Variants in SCHIP1 observed in about 807,000 individuals in gnomAD.
SCHIP1 encodes the protein schwannomin-interacting protein 1.
Under a neutral mutation model 29.7 loss-of-function variants are expected in SCHIP1, and 8 were observed. That is an observed-to-expected ratio of 0.27 (90% CI 0.16 to 0.49). The LOEUF (loss-of-function observed/expected upper bound fraction) is 0.49, where lower values mean the gene tolerates loss of function less well. Ranked by LOEUF, SCHIP1 falls within the 20% of genes least tolerant of loss-of-function variation. The pLI, the probability that SCHIP1 is intolerant of heterozygous loss-of-function variation, is 0.99. For missense variants in SCHIP1, 193 were observed against 294.6 expected, an observed-to-expected ratio of 0.66 and a Z score of 2.52; for synonymous variants, 76 against 94.9, an observed-to-expected ratio of 0.80 and a Z score of 1.16.
the SCHIP1 span, among the ~76,000 whole-genome samples, chr3:159,278,445 A>G: frequency 6.6e-6 from 1 of 152,238 alleles, no homozygotes; most frequent in Non-Finnish European, 1.5e-5. Flanking sequence ...TATCTCTAGC[A>G]TAGAGATACT....
chr3:159,697,350 G>A, the SCHIP1 span, among the ~76,000 whole-genome samples: 4 of 152,134 alleles, frequency 2.6e-5, no homozygotes, highest in African/African-American at 9.7e-5. Context: ...ATGGAGAGAG[G>A]AGCAGTTTTG....
intron 1 of SCHIP1, among the ~76,000 whole-genome samples, chr3:159,864,170 G>C (rs977864126): frequency 1.3e-5 from 2 of 152,126 alleles, no homozygotes; most frequent in Admixed American, 1.3e-4. Context: ...GATTTGAAAT[G>C]AACTTGTTTT....
chr3:159,673,572 T>A, the SCHIP1 span, among the ~76,000 whole-genome samples: 1 of 152,206 alleles, frequency 6.6e-6, no homozygotes, highest in Non-Finnish European at 1.5e-5. Context: ...AAAGTTCTCA[T>A]GTGAGCAGCT....
chr3:159,342,114 CA>C, the SCHIP1 span, among the ~76,000 whole-genome samples: 1 of 152,118 alleles, frequency 6.6e-6, no homozygotes, highest in Admixed American at 6.6e-5. Context: ...TGCTTTGCTT[CA>C]CACTGTGGGT....
intron 2 of SCHIP1, among the ~76,000 whole-genome samples, chr3:159,871,501 A>G (rs1715281718): frequency 6.6e-6 from 1 of 152,228 alleles, no homozygotes; most frequent in Non-Finnish European, 1.5e-5. Flanking sequence ...ATTGCCTAAA[A>G]TAGTATCTAA....
At chr3:159,531,830 A>G in the SCHIP1 span, among the ~76,000 whole-genome samples, 1 of 152,180 alleles carries the variant, frequency 6.6e-6, no homozygotes, top group African/African-American at 2.4e-5. Flanking sequence ...TAAGCATAAT[A>G]CCAAACCAAA....
chr3:159,765,670 G>A, the SCHIP1 span: 1 of 152,594 alleles, frequency 6.6e-6, no homozygotes, highest in Non-Finnish European at 1.5e-5. Context: ...TTAAGCAGAT[G>A]CTCCTGTATT....
the SCHIP1 span, among the ~76,000 whole-genome samples, chr3:159,721,225 G>T: frequency 1.3e-5 from 2 of 152,184 alleles, no homozygotes; most frequent in South Asian, 2.1e-4. Flanking sequence ...ACACATAGTT[G>T]CTTCCTTCTG....
At chr3:159,800,965 T>TG in the SCHIP1 span, among the ~76,000 whole-genome samples, 5 of 72,898 alleles carry the variant, frequency 6.9e-5, no homozygotes, top group Non-Finnish European at 1.2e-4. Flanking sequence ...CAACTAAGTC[T>TG]GTTTTTTTTT....
the SCHIP1 span, among the ~76,000 whole-genome samples, chr3:159,406,694 T>C: frequency 3.9e-5 from 6 of 152,104 alleles, no homozygotes; most frequent in Admixed American, 1.3e-4. Flanking sequence ...TTTCAAGACA[T>C]AGACAGTATG....
the SCHIP1 span, among the ~76,000 whole-genome samples, chr3:159,318,069 CCCATGTGTAACCT>C: frequency 6.6e-6 from 1 of 152,094 alleles, no homozygotes; most frequent in African/African-American, 2.4e-5. Flanking sequence ...TGCTGCTGAG[CCCATGTGTAACCT>C]CCATCCCTGC....
the SCHIP1 span, among the ~76,000 whole-genome samples, chr3:159,597,481 C>T: frequency 6.6e-6 from 1 of 152,136 alleles, no homozygotes; most frequent in Non-Finnish European, 1.5e-5. Context: ...TTTTTACCTA[C>T]ATGTGATCAA....
chr3:159,482,392 C>T, the SCHIP1 span, among the ~76,000 whole-genome samples: 116 of 152,144 alleles, frequency 7.6e-4, no homozygotes, highest in African/African-American at 2.6e-3. Context: ...TCTGAGGTTG[C>T]CCTGAGGAGA....
intron 2 of SCHIP1, among the ~76,000 whole-genome samples, chr3:159,869,329 C>T (rs1235046099): frequency 1.3e-5 from 2 of 151,908 alleles, no homozygotes; most frequent in Non-Finnish European, 2.9e-5. Context: ...CCCCCAAGAT[C>T]CAATAGACAT....
At chr3:159,286,893 T>C in the SCHIP1 span, among the ~76,000 whole-genome samples, 1 of 152,218 alleles carries the variant, frequency 6.6e-6, no homozygotes, top group African/African-American at 2.4e-5. Flanking sequence ...TCTGTTCATG[T>C]CCTTTGCCCA....
the SCHIP1 span, among the ~76,000 whole-genome samples, chr3:159,461,166 G>A: frequency 1.3e-5 from 2 of 152,116 alleles, no homozygotes; most frequent in Non-Finnish European, 2.9e-5. Flanking sequence ...TGGTTAACAA[G>A]CTTCCCTTAG....
the SCHIP1 span, among the ~76,000 whole-genome samples, chr3:159,566,904 A>G: frequency 6.6e-6 from 1 of 152,202 alleles, no homozygotes; most frequent in Non-Finnish European, 1.5e-5. Context: ...TTTGCTAGAT[A>G]TTGCCAAATT....
chr3:159,846,234 G>A (rs940291130), intron 1 of SCHIP1, among the ~76,000 whole-genome samples: 3 of 152,130 alleles, frequency 2.0e-5, no homozygotes, highest in South Asian at 4.1e-4. Flanking sequence ...ATGGAATACC[G>A]AAGTTTTCTG....
At chr3:159,428,092 C>T in the SCHIP1 span, among the ~76,000 whole-genome samples, 3 of 151,878 alleles carry the variant, frequency 2.0e-5, no homozygotes, top group Non-Finnish European at 4.4e-5. Context: ...CATAAAAACC[C>T]TAGAAGAAAA....
Sources: gnomAD v4.1 joint callset for allele counts (sites outside exome capture counted in the v4.1 genomes callset) on GRCh38, gnomAD v4.1.1 for gene constraint, MANE v1.5 for transcripts, NCBI Gene and HGNC (gene_info 2026-07-23, HGNC 2026-07-21) for gene names.